UGCG: variants seen among roughly 807,000 people sequenced by gnomAD.
The protein encoded by UGCG is UDP-glucose ceramide glucosyltransferase.
Under a neutral mutation model 49.5 loss-of-function variants are expected in UGCG, and 10 were observed. That is an observed-to-expected ratio of 0.20 (90% CI 0.12 to 0.34). The LOEUF is 0.34. Ranked by LOEUF, UGCG falls within the 10% of genes least tolerant of loss-of-function variation. The probability of loss-of-function intolerance (pLI) is 1.00; values close to 1 mark genes in which losing one functional copy is unlikely to be tolerated. For synonymous variants in UGCG, 182 were observed against 158.2 expected (o/e 1.15, Z -1.13); for missense variants, 312 against 483.7 (o/e 0.65, Z 3.33).
At position 111,897,033 on chromosome 9, in the gene UGCG, G is replaced by A; in HGVS notation, c.-183G>A. On this transcript the variant is annotated 5_prime_UTR_variant, in exon 1 of 9. Transcript: ENST00000374279. ...GAAGACAGCGCGCAGGCGAGAGCGCGCGGGCGGGGGCGCGCAGGCCCTGCC... is the reference window on the plus strand; with the variant it reads ...GAAGACAGCGCGCAGGCGAGAGCGCACGGGCGGGGGCGCGCAGGCCCTGCC... 4 of 353,644 alleles carry A rather than the reference G, an allele frequency of 1.1e-5. No homozygotes were observed. The highest frequency in any genetic ancestry group is 7.6e-4 in the Middle Eastern group (1 of 1,318). The allele number at this position is 353,644 out of a possible 1,614,324, so 21.9% of individuals were successfully genotyped here. A position where few individuals can be genotyped will look rare whatever the true frequency, so the allele number is the denominator to read the frequency against.
rs62570269 is a variant in UGCG, at chr9:111,929,666, C to T, written c.725C>T (p.Ala242Val). The T allele has an allele frequency of 1.1e-5, 18 of 1,613,056 alleles. No individual in the cohort carries two copies. Among genetic ancestry groups the T allele is most frequent in the East Asian group, 6.7e-5 (3 of 44,854 alleles). Residue 242 changes from alanine to valine, a missense_variant, in exon 6 of 9, where the codon GCG (alanine) becomes GTG (valine). Ala to Val is a moderately conservative substitution (Grantham distance 64, BLOSUM62 0). Transcript: ENST00000374279. ...YIAEDYFMAK[A>V]IADRGWRFAM... The stretch of plus-strand genomic sequence containing the variant: ...GCCGAAGATTACTTTATGGCCAAAG[C>T]GATAGCTGACCGGTAAGACAACTAA...
At position 111,929,487 on chromosome 9, in the gene UGCG, G is replaced by C; in HGVS notation, c.559-13G>C. On this transcript the variant is annotated splice_polypyrimidine_tract_variant and intron_variant, in intron 5 of 8. Coordinates refer to ENST00000374279, the MANE Select transcript of UGCG (RefSeq NM_003358.3). ...GAAATTCTAATCATACACGTTTGTG[G>C]TTTTTTGGGCAGGTATATTTTGGAA... The C allele has an allele frequency of 6.2e-7, 1 of 1,601,814 alleles. No individual in the cohort carries two copies. The highest frequency in any genetic ancestry group is 1.1e-5 in the South Asian group (1 of 89,054).
rs559945798 is a variant in UGCG, at chr9:111,914,198, A to G, written c.99-407A>G. ...ACTGCCATTCATTTCTTCACCATGT[A>G]TTTTATTGAAATGCCTGCGCTATGC... is the stretch of plus-strand genomic sequence containing the variant. On this transcript the variant is annotated intron_variant, in intron 1 of 8. Transcript: ENST00000374279. Among the ~76,000 whole-genome samples the G allele has an allele frequency of 3.9e-5, 6 of 152,242 alleles. No individual in the cohort carries two copies. In the South Asian group the frequency reaches 1.2e-3, roughly 32 times the overall value.
At position 111,932,370 on chromosome 9, in the gene UGCG, A is replaced by C; in HGVS notation, c.1014+11A>C. On this transcript the variant is annotated intron_variant, in intron 8 of 8. Transcript: ENST00000374279. ...CTCAGGGGTGTCCAGGTATGTGGAT[A>C]GGCATGAAAAGGTTGGCAGTCCCTT... The C allele has an allele frequency of 1.2e-6, 2 of 1,604,204 alleles. No individual in the cohort carries two copies. Among genetic ancestry groups the C allele is most frequent in the Non-Finnish European group, 1.7e-6 (2 of 1,174,350 alleles).
chr9:111,927,419 AT>A (rs1269365415), intron 5 of UGCG, among the ~76,000 whole-genome samples: 1 of 151,950 alleles, frequency 6.6e-6, no homozygotes, highest in Non-Finnish European at 1.5e-5. Flanking sequence ...AACCCTAACA[AT>A]TACAGGAAGT....
chr9:111,914,474 C>G lies in UGCG; in HGVS notation c.99-131C>G, dbSNP rs558687652. 5.6e-6 allele frequency: 5 copies of G among 887,824 alleles called. No individual in the cohort carries two copies. In the East Asian group the frequency reaches 1.3e-4, roughly 23 times the overall value. 55.0% of individuals were successfully genotyped at this position (887,824 alleles called of 1,614,324 possible). ...GTTCTACTTCCCTTCATGTTTAGAT[C>G]CTCTTTTAGAAAGATGTCAAGTTTT... On this transcript the variant is annotated intron_variant, in intron 1 of 8. Transcript: ENST00000374279.
chr9:111,899,252 C>T (rs1837723123), intron 1 of UGCG, among the ~76,000 whole-genome samples: 1 of 152,196 alleles, frequency 6.6e-6, no homozygotes, highest in Admixed American at 6.5e-5. Context: ...ACATTTTAAA[C>T]TTTGATACAT....
At chr9:111,928,221 G>C (rs6477861) in intron 5 of UGCG, among the ~76,000 whole-genome samples, 113,832 of 152,110 alleles carry the variant, frequency 0.75, 43,636 homozygotes, top group East Asian at 0.93. Flanking sequence ...CTTAATATTG[G>C]CTGTAAATAT....
intron 2 of UGCG, 70 bp from the exon 3 acceptor site, chr9:111,922,779 C>A: frequency 1.9e-6 from 2 of 1,077,120 alleles, no homozygotes; most frequent in South Asian, 1.8e-5. Context: ...GCTTTTTGTT[C>A]AATCAATACA....
chr9:111,912,738 A>G (rs1312271830), intron 1 of UGCG, among the ~76,000 whole-genome samples: 1 of 152,254 alleles, frequency 6.6e-6, no homozygotes, highest in African/African-American at 2.4e-5. Flanking sequence ...CTTGCAAACC[A>G]GTAAAAAGCA....
In UGCG at chr9:111,923,028, T is replaced by G. The variant is rs1838254646; in HGVS notation, c.343+77T>G. 3.3e-6 allele frequency: 3 copies of G among 922,442 alleles called. No individual in the cohort carries two copies. The South Asian group carries it at 5.1e-5, about 16-fold the overall frequency. The allele number at this position is 922,442 out of a possible 1,614,324, so 57.1% of individuals were successfully genotyped here. A position where few individuals can be genotyped will look rare whatever the true frequency, so the allele number is the denominator to read the frequency against. The stretch of plus-strand genomic sequence containing the variant: ...AGTAATCTCTGCATTGAACTGAAGA[T>G]TAAGGTGTTAGCCATGTTTGTTTTA... On this transcript the variant is annotated intron_variant, in intron 3 of 8. Coordinates refer to ENST00000374279, the MANE Select transcript of UGCG (RefSeq NM_003358.3).
At chr9:111,932,484 G>A in intron 8 of UGCG, 125 bp downstream of exon 8, 2 of 1,028,388 alleles carry the variant, frequency 1.9e-6, no homozygotes, top group East Asian at 5.2e-5. Flanking sequence ...TTAGTCTCGG[G>A]TTTGAACATG....
At chr9:111,912,867 A>G (rs1363916019) in intron 1 of UGCG, among the ~76,000 whole-genome samples, 1 of 151,818 alleles carries the variant, frequency 6.6e-6, no homozygotes, top group Non-Finnish European at 1.5e-5. Context: ...GTTGGTTTTA[A>G]AGTTTTTCCA....
At chr9:111,920,233 A>C (rs1238913500) in intron 2 of UGCG, among the ~76,000 whole-genome samples, 1 of 152,212 alleles carries the variant, frequency 6.6e-6, no homozygotes, top group Non-Finnish European at 1.5e-5. Context: ...TATGAGGAAA[A>C]TATACATTGT....
At chr9:111,905,926 T>C (rs1837874273) in intron 1 of UGCG, among the ~76,000 whole-genome samples, 1 of 152,246 alleles carries the variant, frequency 6.6e-6, no homozygotes, top group Admixed American at 6.5e-5. Flanking sequence ...TTATTTACTC[T>C]TCATTTATTC....
intron 2 of UGCG, among the ~76,000 whole-genome samples, chr9:111,921,801 G>GTTTTTTTTTTTTTTTTTTTTTT (rs1564203243): frequency 6.2e-5 from 3 of 48,040 alleles, no homozygotes; most frequent in Non-Finnish European, 7.5e-5. Context: ...GCCCCAGGGT[G>GTTTTTTTTTTTTTTTTTTTTTT]ATTTTTTTTT....
Position 111,897,070 on chromosome 9 carries a change from T to TCC in UGCG, c.-143_-142dup. On this transcript the variant is annotated 5_prime_UTR_variant, in exon 1 of 9. Coordinates refer to ENST00000374279, the MANE Select transcript of UGCG (RefSeq NM_003358.3). ...GCGCAGGCCCTGCCCGCCCCTTCCG[T>TCC]CCCCACCCCCCTCCGCCCTTTCCTC... The TCC allele has an allele frequency of 3.7e-6, 1 of 270,628 alleles. No homozygotes were observed. Among genetic ancestry groups the TCC allele is most frequent in the South Asian group, 3.2e-5 (1 of 30,890 alleles). 16.8% of individuals were successfully genotyped at this position (270,628 alleles called of 1,614,324 possible). A position where few individuals can be genotyped will look rare whatever the true frequency, so the allele number is the denominator to read the frequency against.
At chr9:111,926,606 C>T in intron 5 of UGCG, 110 bp downstream of exon 5, 1 of 723,712 alleles carries the variant, frequency 1.4e-6, no homozygotes, top group Non-Finnish European at 2.1e-6. Flanking sequence ...GTATTAAGTC[C>T]ATTTGGGAAC....
intron 1 of UGCG, among the ~76,000 whole-genome samples, chr9:111,914,387 C>CAT (rs755297258): frequency 1.3e-5 from 2 of 152,140 alleles, no homozygotes; most frequent in Non-Finnish European, 2.9e-5. Context: ...CAAAAAATCT[C>CAT]ATAATGTTTT....
Sources: gnomAD v4.1 joint callset for allele counts (sites outside exome capture counted in the v4.1 genomes callset) on GRCh38, gnomAD v4.1.1 for gene constraint, MANE v1.5 for transcripts, NCBI Gene and HGNC (gene_info 2026-07-23, HGNC 2026-07-21) for gene names.